SGCD: variants seen among roughly 807,000 people sequenced by gnomAD.
The protein encoded by SGCD is sarcoglycan delta.
In SGCD, 18 loss-of-function variants were observed where a neutral mutation model predicts 36.6. The observed-to-expected ratio is 0.49, with a 90% CI of 0.34 to 0.73. The LOEUF is 0.73. SGCD is among the 30% of genes least tolerant of loss of function. The probability of loss-of-function intolerance (pLI) is 0.01; values close to 1 mark genes in which losing one functional copy is unlikely to be tolerated. For missense variants in SGCD, 387 were observed against 346.7 expected, an observed-to-expected ratio of 1.12 and a Z score of -0.92; for synonymous variants, 133 against 130.6, an observed-to-expected ratio of 1.02 and a Z score of -0.12.
intron 3 of SGCD, among the ~76,000 whole-genome samples, chr5:156,173,806 T>C (rs995893674): frequency 3.6e-5 from 5 of 140,790 alleles, no homozygotes; most frequent in Admixed American, 1.4e-4. Context: ...TTCATGCTTA[T>C]CCTTTTGATA....
intron 3 of SGCD, among the ~76,000 whole-genome samples, chr5:156,272,234 A>G (rs1345194793): frequency 6.6e-6 from 1 of 152,088 alleles, no homozygotes; most frequent in Non-Finnish European, 1.5e-5. Flanking sequence ...CTGCATCCTC[A>G]TAGCTTAGCT....
chr5:155,961,263 T>C (rs1215808836), intron 1 of SGCD, among the ~76,000 whole-genome samples: 1 of 152,124 alleles, frequency 6.6e-6, no homozygotes, highest in Non-Finnish European at 1.5e-5. Context: ...TTAAAACTTA[T>C]GTTAGTTTTA....
At chr5:155,782,251 C>T in the SGCD span, among the ~76,000 whole-genome samples, 1 of 152,042 alleles carries the variant, frequency 6.6e-6, no homozygotes, top group African/African-American at 2.4e-5. Context: ...TCTCGAACTC[C>T]TGACCTCAGG....
chr5:156,166,865 G>A (rs2127620409), intron 3 of SGCD, among the ~76,000 whole-genome samples: 1 of 152,302 alleles, frequency 6.6e-6, no homozygotes. Flanking sequence ...TGTCCATGTA[G>A]CTAACTTATT....
At chr5:156,446,665 C>T (rs570972733) in intron 3 of SGCD, among the ~76,000 whole-genome samples, 8 of 152,214 alleles carry the variant, frequency 5.3e-5, no homozygotes, top group African/African-American at 1.9e-4. Flanking sequence ...ACCTCCCTTC[C>T]CTGGCCGAAG....
chr5:155,941,785 A>G (rs1757332147), intron 1 of SGCD, among the ~76,000 whole-genome samples: 1 of 152,156 alleles, frequency 6.6e-6, no homozygotes, highest in Non-Finnish European at 1.5e-5. Flanking sequence ...CCTTATAATA[A>G]TTAATTGATG....
intron 7 of SGCD, chr5:156,703,910 C>G (rs557368047): frequency 6.6e-6 from 1 of 152,064 alleles, no homozygotes; most frequent in Admixed American, 6.6e-5. Context: ...GACTTTTAAC[C>G]TGCCATACCT....
intron 7 of SGCD, among the ~76,000 whole-genome samples, chr5:156,682,750 T>C (rs1753768388): frequency 6.6e-6 from 1 of 152,024 alleles, no homozygotes; most frequent in Non-Finnish European, 1.5e-5. Flanking sequence ...CTTTGTGGTA[T>C]TAGGGGTCAA....
chr5:156,514,691 A>G (rs1757083886), intron 4 of SGCD, among the ~76,000 whole-genome samples: 1 of 152,222 alleles, frequency 6.6e-6, no homozygotes, highest in Non-Finnish European at 1.5e-5. Flanking sequence ...ACCAAGAGGC[A>G]GTGTGACAAC....
At chr5:156,572,558 C>A (rs976586204) in intron 4 of SGCD, among the ~76,000 whole-genome samples, 12 of 152,040 alleles carry the variant, frequency 7.9e-5, no homozygotes, top group Non-Finnish European at 1.6e-4. Context: ...AAGAGTCAAT[C>A]AAAACATGAC....
intron 4 of SGCD, among the ~76,000 whole-genome samples, chr5:156,558,909 T>C (rs1033469447): frequency 2.0e-5 from 3 of 152,160 alleles, no homozygotes; most frequent in African/African-American, 7.2e-5. Flanking sequence ...AAAAGTTCTA[T>C]ACTCATTGAT....
the SGCD span, among the ~76,000 whole-genome samples, chr5:155,736,228 A>G: frequency 1.3e-5 from 2 of 152,232 alleles, no homozygotes; most frequent in African/African-American, 2.4e-5. Context: ...TGAAAACATT[A>G]TAATCAGAGC....
intron 7 of SGCD, among the ~76,000 whole-genome samples, chr5:156,698,673 T>C (rs1581418117): frequency 6.6e-6 from 1 of 152,150 alleles, no homozygotes; most frequent in African/African-American, 2.4e-5. Context: ...AGCAGAGTCT[T>C]AAAGTGCACA....
Position 156,558,088 on chromosome 5 carries a change from AATATATATATATATAT to A in SGCD, c.295-31122_295-31107del, listed in dbSNP as rs67339181. On this transcript the variant is annotated intron_variant, in intron 4 of 8. Transcript: ENST00000337851. ...ACTGAGTGTGTTATTAGTAAATACA[AATATATATATATATAT>A]ATATATATATATATATATATTATTT... is the stretch of plus-strand genomic sequence containing the variant. Among the ~76,000 whole-genome samples the A allele has an allele frequency of 1.7e-4, 16 of 95,574 alleles. No homozygotes were observed. In the East Asian group the frequency reaches 1.9e-3, roughly 12 times the overall value. The allele number at this position is 95,574 out of a possible 152,430, so 62.7% of individuals were successfully genotyped here.
chr5:156,504,599 TTTACA>T lies in SGCD; in HGVS notation c.193-4000_193-3996del, dbSNP rs567153797. On this transcript the variant is annotated intron_variant, in intron 3 of 8. Transcript: ENST00000337851. Reference sequence around the variant, plus strand: ...GTGTTCAATTATTGTAACATGCAACTTTACATAGTTTTTATTTTTTCTCTTATTAA... The same window carrying T: ...GTGTTCAATTATTGTAACATGCAACTTAGTTTTTATTTTTTCTCTTATTAA... Among the ~76,000 whole-genome samples, 9 of 152,216 alleles carry T rather than the reference TTTACA, an allele frequency of 5.9e-5. No individual in the cohort carries two copies. In the East Asian group the frequency reaches 1.7e-3, roughly 29 times the overall value.
chr5:156,380,232 C>G (rs1229513713), intron 3 of SGCD, among the ~76,000 whole-genome samples: 3 of 152,106 alleles, frequency 2.0e-5, no homozygotes, highest in Non-Finnish European at 4.4e-5. Flanking sequence ...AGAATTGCTG[C>G]AGTAACAAAG....
At chr5:156,344,422 C>A in intron 2 of SGCD, 67 bp from the exon 3 acceptor site, 1 of 1,147,722 alleles carries the variant, frequency 8.7e-7, no homozygotes, top group Non-Finnish European at 1.2e-6. Context: ...TTTTTTTTTC[C>A]TTTATTTTTT....
chr5:156,526,995 A>G (rs1370800284), intron 4 of SGCD, among the ~76,000 whole-genome samples: 1 of 152,206 alleles, frequency 6.6e-6, no homozygotes, highest in African/African-American at 2.4e-5. Flanking sequence ...AGTGTGTTCA[A>G]ACTTCAAAGG....
At chr5:156,463,383 A>G (rs1754575277) in intron 3 of SGCD, among the ~76,000 whole-genome samples, 1 of 152,132 alleles carries the variant, frequency 6.6e-6, no homozygotes, top group African/African-American at 2.4e-5. Context: ...TTCCCAAAGA[A>G]ATCCCTTTTA....
Sources: allele counts gnomAD v4.1 joint callset (sites outside exome capture counted in the v4.1 genomes callset), GRCh38; gene constraint gnomAD v4.1.1; transcripts MANE v1.5; gene names NCBI Gene and HGNC (gene_info 2026-07-23, HGNC 2026-07-21).